Variants in TRARG1 observed in about 807,000 individuals in gnomAD.
TRARG1 encodes trafficking regulator of GLUT4 (SLC2A4) 1 (gene/pseudogene), also known as trafficking regulator of GLUT4 1.
TRARG1 carries 16 observed loss-of-function variants against 13.3 expected under a neutral mutation model. The ratio of observed to expected loss-of-function variants is 1.20; its 90% CI spans 0.81 to 1.83. TRARG1 has a LOEUF of 1.83. Among genes scored for constraint, TRARG1 ranks in the 40% most tolerant of loss-of-function variants. TRARG1 has a pLI of 0.00. For missense variants in TRARG1, 250 were observed against 237.4 expected (o/e 1.05, Z -0.35); for synonymous variants, 113 against 106.2 (o/e 1.06, Z -0.39).
chr17:1,291,880 G>C (rs1201801018), intron 1 of TRARG1, among the ~76,000 whole-genome samples: 1 of 152,144 alleles, frequency 6.6e-6, no homozygotes, highest in Non-Finnish European at 1.5e-5. Context: ...AGACTGGCTG[G>C]GCCCAGTGGT....
chr17:1,297,392 C>T (rs1195365421), intron 2 of TRARG1, among the ~76,000 whole-genome samples: 3 of 151,984 alleles, frequency 2.0e-5, no homozygotes, highest in East Asian at 1.9e-4. Flanking sequence ...TTGGAATCAG[C>T]GTGCCCAGCT....
intron 1 of TRARG1, among the ~76,000 whole-genome samples, chr17:1,285,192 T>C (rs1157661169): frequency 6.6e-6 from 1 of 151,820 alleles, no homozygotes; most frequent in Non-Finnish European, 1.5e-5. Flanking sequence ...AGTGGATCAC[T>C]TGAGGTCAGG....
chr17:1,295,012 G>A (rs1279842573), intron 1 of TRARG1, among the ~76,000 whole-genome samples: 1 of 152,140 alleles, frequency 6.6e-6, no homozygotes, highest in East Asian at 1.9e-4. Flanking sequence ...GGAGGCAGGG[G>A]TGGGGGGTGC....
chr17:1,298,266 CTT>C lies in TRARG1; in HGVS notation c.*3_*4del, dbSNP rs1461108827. On this transcript the variant is annotated 3_prime_UTR_variant, in exon 3 of 3. Transcript: ENST00000333813. ...TTCTTTACAGTTCAGAAGAAATAAACTTAAGCAGGGAGCTGGGCTAGCAGAGG... is the reference window on the plus strand; with the variant it reads ...TTCTTTACAGTTCAGAAGAAATAAACAAGCAGGGAGCTGGGCTAGCAGAGG... The C allele has an allele frequency of 6.8e-6, 11 of 1,613,420 alleles. 1 individual carries two copies. The highest frequency in any genetic ancestry group is 5.0e-5 in the Admixed American group (3 of 59,962).
chr17:1,288,540 C>T (rs1194672005), intron 1 of TRARG1, among the ~76,000 whole-genome samples: 1 of 88,448 alleles, frequency 1.1e-5, no homozygotes, highest in Non-Finnish European at 2.4e-5. Context: ...TTCTCATCCC[C>T]CACGGGTTCC....
Position 1,295,626 on chromosome 17 carries a change from G to A in TRARG1, c.520+3G>A. ...GGCCGTGACCGTCAACTTCACAGGT[G>A]AGACCCAGCTCCTTGGAGAGGAGGA... is the stretch of plus-strand genomic sequence containing the variant. On this transcript the variant is annotated splice_donor_region_variant and intron_variant, in intron 2 of 2. Transcript: ENST00000333813. The A allele has an allele frequency of 6.2e-7, 1 of 1,609,320 alleles. No homozygotes were observed. Among genetic ancestry groups the A allele is most frequent in the South Asian group, 1.1e-5 (1 of 90,506 alleles).
rs780930525 is a variant in TRARG1, at chr17:1,300,759, A to G, written c.*2495A>G. The stretch of plus-strand genomic sequence containing the variant: ...GGAGGGTCCCCACAGCCCGTGCCCC[A>G]CGCCGCCTGGAGGCCAGAGGGGTCA... On this transcript the variant is annotated 3_prime_UTR_variant, in exon 3 of 3. Transcript: ENST00000333813. The G allele has an allele frequency of 6.6e-6, 1 of 152,388 alleles. No homozygotes were observed. Among genetic ancestry groups the G allele is most frequent in the African/African-American group, 2.4e-5 (1 of 41,448 alleles). The allele number at this position is 152,388 out of a possible 1,614,324, so 9.4% of individuals were successfully genotyped here.
chr17:1,291,033 G>A (rs1018350266), intron 1 of TRARG1, among the ~76,000 whole-genome samples: 23 of 151,902 alleles, frequency 1.5e-4, no homozygotes, highest in Admixed American at 1.5e-3. Flanking sequence ...AACCTCCCAA[G>A]TAGCTGGAAT....
rs1048535520 is a variant in TRARG1 at position 1,279,787 on chromosome 17, C to T, written c.-215C>T. 4.8e-5 allele frequency: 25 copies of T among 520,578 alleles called. No homozygotes were observed. Among genetic ancestry groups the T allele is most frequent in the African/African-American group, 4.4e-4 (23 of 52,190 alleles). 32.2% of individuals were successfully genotyped at this position (520,578 alleles called of 1,614,324 possible). On this transcript the variant is annotated 5_prime_UTR_variant, in exon 1 of 3. Coordinates refer to ENST00000333813, the MANE Select transcript of TRARG1 (RefSeq NM_172367.3). ...GGCTCCAGCGTCTTTCTGGGAGCTC[C>T]GCGGGGGCAGCAGGCAGGCCCCAGC...
chr17:1,298,396 A>C lies in TRARG1; in HGVS notation c.*132A>C. 1.0e-6 allele frequency: 1 copy of C among 962,518 alleles called. No individual in the cohort carries two copies. Among genetic ancestry groups the C allele is most frequent in the Non-Finnish European group, 1.5e-6 (1 of 646,986 alleles). 59.6% of individuals were successfully genotyped at this position (962,518 alleles called of 1,614,324 possible). On this transcript the variant is annotated 3_prime_UTR_variant, in exon 3 of 3. Transcript: ENST00000333813. Reference sequence around the variant, plus strand: ...CCCAAGTTCCAAAAGCACAGACTCAAAGGGAAACCCCCCAGTCACCCACTG... The same window carrying C: ...CCCAAGTTCCAAAAGCACAGACTCACAGGGAAACCCCCCAGTCACCCACTG...
intron 1 of TRARG1, among the ~76,000 whole-genome samples, chr17:1,294,512 G>A (rs1253637285): frequency 7.4e-6 from 1 of 135,760 alleles, no homozygotes; most frequent in Non-Finnish European, 1.5e-5. Flanking sequence ...GTGTCACCAG[G>A]CTGGAGTGCA....
intron 2 of TRARG1, 78 bp downstream of exon 2, chr17:1,295,701 G>C: frequency 1.4e-6 from 2 of 1,474,618 alleles, no homozygotes; most frequent in South Asian, 2.8e-5. Flanking sequence ...CCAGCCTCAG[G>C]GGCAGAGGTG....
chr17:1,291,879 G>C (rs1483023707), intron 1 of TRARG1, among the ~76,000 whole-genome samples: 1 of 152,174 alleles, frequency 6.6e-6, no homozygotes, highest in African/African-American at 2.4e-5. Context: ...CAGACTGGCT[G>C]GGCCCAGTGG....
At chr17:1,282,276 G>GTATATGTACA (rs1449810512) in intron 1 of TRARG1, among the ~76,000 whole-genome samples, 2 of 68,520 alleles carry the variant, frequency 2.9e-5, no homozygotes, top group African/African-American at 1.5e-4. Flanking sequence ...ATATATGCAC[G>GTATATGTACA]TATATGTACA....
intron 1 of TRARG1, among the ~76,000 whole-genome samples, chr17:1,294,628 A>G (rs9907941): frequency 0.48 from 70,865 of 148,886 alleles, 17,439 homozygotes; most frequent in African/African-American, 0.63. Flanking sequence ...CACCATGCCC[A>G]GCTAATTTTT....
At chr17:1,283,107 T>G (rs1002014854) in intron 1 of TRARG1, among the ~76,000 whole-genome samples, 1 of 152,162 alleles carries the variant, frequency 6.6e-6, no homozygotes, top group Admixed American at 6.6e-5. Context: ...AAGGAACTCT[T>G]AAACAGATTC....
intron 1 of TRARG1, among the ~76,000 whole-genome samples, chr17:1,283,583 G>GA (rs1354506708): frequency 2.0e-5 from 3 of 151,764 alleles, no homozygotes; most frequent in Non-Finnish European, 2.9e-5. Flanking sequence ...GAGGCGGGTG[G>GA]ATCTCCTGAG....
chr17:1,291,598 T>G (rs2072069846), intron 1 of TRARG1, among the ~76,000 whole-genome samples: 1 of 152,174 alleles, frequency 6.6e-6, no homozygotes, highest in Admixed American at 6.6e-5. Context: ...AGGGCATGCC[T>G]TTATTAGCGG....
At chr17:1,290,780 A>C (rs1423260859) in intron 1 of TRARG1, among the ~76,000 whole-genome samples, 1 of 152,086 alleles carries the variant, frequency 6.6e-6, no homozygotes, top group African/African-American at 2.4e-5. Context: ...CTCACCTTGA[A>C]TTGTAGGCCC....
Sources: gnomAD v4.1 joint callset for allele counts (sites outside exome capture counted in the v4.1 genomes callset) on GRCh38, gnomAD v4.1.1 for gene constraint, MANE v1.5 for transcripts, NCBI Gene and HGNC (gene_info 2026-07-23, HGNC 2026-07-21) for gene names.